The following PNPLA3 variants were observed in gnomAD, a reference collection of about 807,000 sequenced individuals.
PNPLA3 encodes the protein 1-acylglycerol-3-phosphate O-acyltransferase PNPLA3.
In PNPLA3, 42 loss-of-function variants were observed where a neutral mutation model predicts 43.1. The observed-to-expected ratio is 0.97, with a 90% CI of 0.76 to 1.26. The LOEUF is 1.26. Among genes scored for constraint, PNPLA3 ranks in the 50% most tolerant of loss-of-function variants. The pLI, the probability that PNPLA3 is intolerant of heterozygous loss-of-function variation, is 0.00. For synonymous variants in PNPLA3, 272 were observed against 253.6 expected (o/e 1.07, Z -0.69); for missense variants, 647 against 621.4 (o/e 1.04, Z -0.44).
intron 6 of PNPLA3, 35 bp from the exon 7 acceptor site, chr22:43,939,958 G>A (rs1489713742): frequency 1.2e-6 from 2 of 1,614,042 alleles, no homozygotes; most frequent in South Asian, 2.2e-5. Context: ...TTTTCACAGT[G>A]GTGGGAGATA....
chr22:43,940,863 G>A (rs951690903), intron 7 of PNPLA3, among the ~76,000 whole-genome samples: 2 of 151,214 alleles, frequency 1.3e-5, no homozygotes, highest in Non-Finnish European at 2.9e-5. Context: ...AGTCACGGCC[G>A]GGCACGGTGG....
chr22:43,936,229 A>G (rs1267130305), intron 5 of PNPLA3, among the ~76,000 whole-genome samples: 1 of 152,052 alleles, frequency 6.6e-6, no homozygotes, highest in Non-Finnish European at 1.5e-5. Flanking sequence ...TCCTAAGGGA[A>G]AGTGACATCT....
At chr22:43,940,723 C>A (rs553805348) in intron 7 of PNPLA3, among the ~76,000 whole-genome samples, 1 of 151,930 alleles carries the variant, frequency 6.6e-6, no homozygotes, top group East Asian at 1.9e-4. Context: ...GCAGAAGAAT[C>A]GCTTGAGCCT....
chr22:43,938,913 G>A (rs2050013399), intron 6 of PNPLA3, among the ~76,000 whole-genome samples: 1 of 152,124 alleles, frequency 6.6e-6, no homozygotes. Context: ...GTTTGATGTA[G>A]CTGTTTTTTG....
chr22:43,939,579 C>A, intron 6 of PNPLA3: 1 of 224,424 alleles, frequency 4.5e-6, no homozygotes, highest in Non-Finnish European at 7.4e-6. Flanking sequence ...CTTTGGGAGG[C>A]CGAGGTGGGT....
chr22:43,931,942 G>A (rs2049964354), intron 3 of PNPLA3, among the ~76,000 whole-genome samples: 1 of 152,232 alleles, frequency 6.6e-6, no homozygotes, highest in Admixed American at 6.5e-5. Flanking sequence ...TGGCTAAGGT[G>A]TGGCTGAACA....
chr22:43,935,297 A>C lies in PNPLA3; in HGVS notation c.757+631A>C, dbSNP rs139884677. On this transcript the variant is annotated intron_variant, in intron 5 of 8. Coordinates refer to ENST00000216180, the MANE Select transcript of PNPLA3 (RefSeq NM_025225.3). ...CCAAGGAGACTGCATTTTTAAGGAC[A>C]TATGTGTATTTATCTGCTCAGAAAA... Among the ~76,000 whole-genome samples the C allele has an allele frequency of 8.9e-4, 135 of 152,318 alleles. 1 individual carries two copies. The Middle Eastern group carries it at 0.01, about 12-fold the overall frequency.
intron 7 of PNPLA3, among the ~76,000 whole-genome samples, chr22:43,941,546 A>G (rs2050031266): frequency 6.6e-6 from 1 of 152,198 alleles, no homozygotes; most frequent in African/African-American, 2.4e-5. Context: ...CTCACAGTGC[A>G]GGAGTACTCA....
Position 43,946,750 on chromosome 22 carries a change from G to A in PNPLA3, c.*368G>A, listed in dbSNP as rs1225595362. ...GGGGCCTTGTGATGGGGGGTAGGCT[G>A]GCCCATGTGTGATCTTGTGGGGTGG... On this transcript the variant is annotated 3_prime_UTR_variant, in exon 9 of 9. Coordinates refer to ENST00000216180, the MANE Select transcript of PNPLA3 (RefSeq NM_025225.3). The A allele has an allele frequency of 3.8e-6, 2 of 530,664 alleles. No homozygotes were observed. The highest frequency in any genetic ancestry group is 7.5e-6 in the Non-Finnish European group (2 of 268,296). 32.9% of individuals were successfully genotyped at this position (530,664 alleles called of 1,614,324 possible).
At chr22:43,944,880 G>A in intron 8 of PNPLA3, 85 bp downstream of exon 8, 1 of 1,192,536 alleles carries the variant, frequency 8.4e-7, no homozygotes, top group Non-Finnish European at 1.2e-6. Context: ...AGAAACAGCT[G>A]GCTGAACACC....
chr22:43,934,666 G>C lies in PNPLA3; in HGVS notation c.757G>C (p.Gly253Arg). The change falls in exon 5 of 9, where the codon GGC becomes CGC. Residue 253 changes from glycine to arginine, a missense_variant and splice_region_variant. Transcript: ENST00000216180. ...LDAFRFLEEK[G>R]ICNRPQPGLK... ...TGCATTCAGGTTCTTGGAAGAGAAG[G>C]GTATGTATGGGCTGGGAGGATCAGC... 6.2e-7 allele frequency: 1 copy of C among 1,610,502 alleles called. No homozygotes were observed. Among genetic ancestry groups the C allele is most frequent in the South Asian group, 1.1e-5 (1 of 90,960 alleles).
intron 3 of PNPLA3, among the ~76,000 whole-genome samples, chr22:43,930,888 G>C (rs1273154448): frequency 2.0e-5 from 3 of 152,180 alleles, no homozygotes; most frequent in Admixed American, 6.5e-5. Context: ...GGGAGTACCA[G>C]GCCGAGGTGG....
intron 7 of PNPLA3, among the ~76,000 whole-genome samples, chr22:43,943,583 C>T (rs1393109578): frequency 6.6e-6 from 1 of 152,178 alleles, no homozygotes; most frequent in Non-Finnish European, 1.5e-5. Flanking sequence ...CATTGGTGAG[C>T]TCCTGCTCCT....
At chr22:43,936,387 C>T (rs2049995530) in intron 5 of PNPLA3, among the ~76,000 whole-genome samples, 1 of 152,244 alleles carries the variant, frequency 6.6e-6, no homozygotes, top group East Asian at 1.9e-4. Context: ...GGGCCAGGTG[C>T]AGCTGTGGTT....
In PNPLA3 at chr22:43,924,110, G is replaced by T; in HGVS notation, c.187+12G>T. On this transcript the variant is annotated intron_variant, in intron 1 of 8. Coordinates refer to ENST00000216180, the MANE Select transcript of PNPLA3 (RefSeq NM_025225.3). The stretch of plus-strand genomic sequence containing the variant: ...CGGTATCCCGCTGGGTGCGTCTGGG[G>T]ACGCTGCCCGGGCTCCACGTGCGGA... 1 of 1,529,776 alleles carries T rather than the reference G, an allele frequency of 6.5e-7. No individual in the cohort carries two copies. Among genetic ancestry groups the T allele is most frequent in the Non-Finnish European group, 8.7e-7 (1 of 1,148,238 alleles). The allele number at this position is 1,529,776 out of a possible 1,614,324, so 94.8% of individuals were successfully genotyped here. A position where few individuals can be genotyped will look rare whatever the true frequency, so the allele number is the denominator to read the frequency against.
At chr22:43,938,603 A>G (rs2146787263) in intron 6 of PNPLA3, among the ~76,000 whole-genome samples, 1 of 152,352 alleles carries the variant, frequency 6.6e-6, no homozygotes, top group East Asian at 1.9e-4. Flanking sequence ...TCATGAGAAC[A>G]CATTCACTAT....
intron 5 of PNPLA3, among the ~76,000 whole-genome samples, chr22:43,936,824 C>T (rs2049998483): frequency 6.6e-6 from 1 of 152,100 alleles, no homozygotes; most frequent in South Asian, 2.1e-4. Context: ...GTAGATGGAG[C>T]CCACAAAGCT....
At chr22:43,936,636 CTT>C (rs1373492161) in intron 5 of PNPLA3, among the ~76,000 whole-genome samples, 3 of 152,196 alleles carry the variant, frequency 2.0e-5, no homozygotes, top group African/African-American at 4.8e-5. Context: ...TTAGACAAGT[CTT>C]TTAACCTTGC....
intron 6 of PNPLA3, chr22:43,939,516 G>C: frequency 1.3e-6 from 1 of 797,988 alleles, no homozygotes; most frequent in African/African-American, 1.9e-5. Flanking sequence ...TGCCCTTGCT[G>C]TGAAGGGAGC....
Sources: allele counts gnomAD v4.1 joint callset (sites outside exome capture counted in the v4.1 genomes callset), GRCh38; gene constraint gnomAD v4.1.1; transcripts MANE v1.5; gene names NCBI Gene and HGNC (gene_info 2026-07-23, HGNC 2026-07-21).